The following PTPRN2 variants were observed in gnomAD, a reference collection of about 807,000 sequenced individuals.
PTPRN2 encodes receptor-type tyrosine-protein phosphatase N2.
In PTPRN2, 74 loss-of-function variants were observed where a neutral mutation model predicts 118.8. The ratio of observed to expected loss-of-function variants is 0.62; its 90% CI spans 0.52 to 0.76. The LOEUF (loss-of-function observed/expected upper bound fraction) is 0.76. PTPRN2 is among the 30% of genes least tolerant of loss of function. The probability of loss-of-function intolerance (pLI) is 0.00; values close to 1 mark genes in which losing one functional copy is unlikely to be tolerated. For missense variants in PTPRN2, 1,481 were observed against 1,394.4 expected (o/e 1.06, Z -0.99); for synonymous variants, 641 against 608.0 (o/e 1.05, Z -0.80).
Position 158,110,841 on chromosome 7 carries a change from A to G in PTPRN2, c.1631T>C (p.Phe544Ser). 6.3e-7 allele frequency: 1 copy of G among 1,588,052 alleles called. No homozygotes were observed. Among genetic ancestry groups the G allele is most frequent in the Non-Finnish European group, 8.6e-7 (1 of 1,166,650 alleles). ...ARLLQVPSSA[F>S]ADVEVLGPAV... ...GCCCCGTACTTACTCCACGTCAGCGAACGCACTGCTGGGCACCTGCAGGAG... is the reference window on the plus strand; with the variant it reads ...GCCCCGTACTTACTCCACGTCAGCGGACGCACTGCTGGGCACCTGCAGGAG... Residue 544 changes from phenylalanine to serine, a missense_variant, in exon 10 of 23, where the codon TTC becomes TCC. By Grantham distance (155) the Phe-to-Ser change is radical (BLOSUM62 -2). This residue lies in a region of PTPRN2 where 1,115 missense variants were observed against 994.2 expected (regional missense o/e 1.12). Coordinates refer to ENST00000389418, the MANE Select transcript of PTPRN2 (RefSeq NM_002847.5).
At chr7:157,792,601 A>G (rs73504502) in intron 12 of PTPRN2, among the ~76,000 whole-genome samples, 24,616 of 152,250 alleles carry the variant, frequency 0.16, 2,550 homozygotes, top group African/African-American at 0.29. Context: ...GCAACTCAGT[A>G]GGACCTTGGG....
At chr7:157,545,286 C>T (rs111161525) in intron 22 of PTPRN2, among the ~76,000 whole-genome samples, 60,534 of 143,410 alleles carry the variant, frequency 0.42, 13,046 homozygotes, top group Middle Eastern at 0.61. Flanking sequence ...GCAGTGTGCA[C>T]GGCTGTATGT....
chr7:158,276,922 A>C (rs917037402), intron 3 of PTPRN2, among the ~76,000 whole-genome samples: 1 of 152,152 alleles, frequency 6.6e-6, no homozygotes, highest in African/African-American at 2.4e-5. Context: ...GCTGTCTATC[A>C]GCTCTGGAGG....
intron 11 of PTPRN2, among the ~76,000 whole-genome samples, chr7:158,025,222 A>T (rs1054247542): frequency 1.3e-5 from 2 of 152,174 alleles, no homozygotes; most frequent in Non-Finnish European, 2.9e-5. Context: ...TGTCAGTGTG[A>T]TGGTTGGTAA....
chr7:158,194,522 G>T (rs1433747182), intron 4 of PTPRN2, among the ~76,000 whole-genome samples: 1 of 152,192 alleles, frequency 6.6e-6, no homozygotes, highest in Non-Finnish European at 1.5e-5. Context: ...TCCGACTTGT[G>T]CTGCAGTGGA....
intron 13 of PTPRN2, among the ~76,000 whole-genome samples, chr7:157,670,184 A>C (rs1237569229): frequency 6.6e-6 from 1 of 152,104 alleles, no homozygotes; most frequent in African/African-American, 2.4e-5. Context: ...GAATCTCCTG[A>C]AGCCCCTGGT....
chr7:157,879,275 T>C (rs1052313146), intron 12 of PTPRN2, among the ~76,000 whole-genome samples: 1 of 152,180 alleles, frequency 6.6e-6, no homozygotes, highest in Non-Finnish European at 1.5e-5. Flanking sequence ...TTGGATTCTG[T>C]GTTTTCAAGC....
In PTPRN2 at chr7:158,438,491, G is replaced by C. The variant is rs1358659720; in HGVS notation, c.163+51244C>G. On this transcript the variant is annotated intron_variant, in intron 2 of 22. Transcript: ENST00000389418. This position sits in a 1 kb window ranked among gnomAD's most constrained non-coding sequence, Gnocchi z 4.7. ...ATCATCAAAACAGGCTAATTAACAG[G>C]ATCTTGGCCTCTCAAATCCCGGTTG... Among the ~76,000 whole-genome samples the C allele has an allele frequency of 6.6e-6, 1 of 152,148 alleles. No homozygotes were observed. The highest frequency in any genetic ancestry group is 2.4e-5 in the African/African-American group (1 of 41,434).
intron 12 of PTPRN2, among the ~76,000 whole-genome samples, chr7:157,852,983 AG>A (rs1303398875): frequency 1.3e-5 from 2 of 151,962 alleles, no homozygotes. Context: ...GTTTTGGAAA[AG>A]TGTTGATTTT....
At chr7:158,206,841 G>T (rs1327531955) in intron 3 of PTPRN2, among the ~76,000 whole-genome samples, 3 of 149,528 alleles carry the variant, frequency 2.0e-5, no homozygotes, top group African/African-American at 7.4e-5. Context: ...AAGTTTTAGG[G>T]TACATGTGCA....
chr7:157,571,910 G>A (rs1476053054), intron 19 of PTPRN2, among the ~76,000 whole-genome samples: 1 of 151,930 alleles, frequency 6.6e-6, no homozygotes. Context: ...TCTTAGTCCA[G>A]ACATCATATT....
intron 10 of PTPRN2, among the ~76,000 whole-genome samples, chr7:158,095,590 A>C (rs1394867616): frequency 6.6e-6 from 1 of 152,198 alleles, no homozygotes; most frequent in East Asian, 1.9e-4. Context: ...TGTGCCTTTG[A>C]ATTCAGTCTG....
Position 157,810,399 on chromosome 7 carries a change from C to T in PTPRN2, c.1788+88274G>A, listed in dbSNP as rs952604841. On this transcript the variant is annotated intron_variant, in intron 12 of 22. Transcript: ENST00000389418. ...TGCCGTGCTGGGCACAGGCTCTCCA[C>T]GGGATGGCGGGACTGCTGGGCACAG... Among the ~76,000 whole-genome samples the T allele has an allele frequency of 2.4e-4, 36 of 150,002 alleles. 1 individual carries two copies. Among genetic ancestry groups the T allele is most frequent in the African/African-American group, 6.7e-4 (27 of 40,524 alleles).
chr7:158,478,283 G>A (rs777058520), intron 2 of PTPRN2, among the ~76,000 whole-genome samples: 1 of 152,214 alleles, frequency 6.6e-6, no homozygotes, highest in South Asian at 2.1e-4. Flanking sequence ...TGCAGTGGAC[G>A]GCTAGAGGAG....
intron 9 of PTPRN2, among the ~76,000 whole-genome samples, chr7:158,122,184 AG>A (rs1817228066): frequency 1.3e-5 from 2 of 152,190 alleles, no homozygotes; most frequent in African/African-American, 4.8e-5. Flanking sequence ...AGTGCCTGTG[AG>A]GGCAGTGGAA....
intron 9 of PTPRN2, among the ~76,000 whole-genome samples, chr7:158,128,623 C>T (rs893117351): frequency 6.6e-6 from 1 of 152,186 alleles, no homozygotes; most frequent in Admixed American, 6.5e-5. Context: ...CAGGGGCCCT[C>T]CTGTCCTTCC....
At chr7:157,686,994 G>A (rs1797229938) in intron 12 of PTPRN2, among the ~76,000 whole-genome samples, 1 of 152,168 alleles carries the variant, frequency 6.6e-6, no homozygotes, top group Admixed American at 6.5e-5. Context: ...TCAACCGTCT[G>A]CACCTGCAAC....
intron 2 of PTPRN2, among the ~76,000 whole-genome samples, chr7:158,439,136 T>A (rs1163786296): frequency 1.3e-5 from 2 of 152,230 alleles, no homozygotes; most frequent in Non-Finnish European, 2.9e-5. Flanking sequence ...CCCGCCTTAC[T>A]GGACTGAACC....
rs1233814230 is a variant in PTPRN2 at position 157,606,073 on chromosome 7, G to A, written c.2345-1998C>T. 2.6e-5 allele frequency among the ~76,000 whole-genome samples: 4 copies of A among 152,232 alleles called. No individual in the cohort carries two copies. In the East Asian group the frequency reaches 7.7e-4, roughly 29 times the overall value. The stretch of plus-strand genomic sequence containing the variant: ...AGCCCTCCTTCGGCTTCCCTCCCAT[G>A]CTTGTTGGTGCCCAAAGTCCAGAGG... On this transcript the variant is annotated intron_variant, in intron 15 of 22. Coordinates refer to ENST00000389418, the MANE Select transcript of PTPRN2 (RefSeq NM_002847.5).
Sources: allele counts gnomAD v4.1 joint callset (sites outside exome capture counted in the v4.1 genomes callset), GRCh38; gene constraint gnomAD v4.1.1; regional missense constraint gnomAD v4.1.1; non-coding constraint Gnocchi (gnomAD v3.1); transcripts MANE v1.5; gene names NCBI Gene and HGNC (gene_info 2026-07-23, HGNC 2026-07-21).